The following SGCZ variants were observed in gnomAD, a reference collection of about 807,000 sequenced individuals.
SGCZ encodes zeta-sarcoglycan.
A neutral mutation model predicts 41.3 loss-of-function variants in SGCZ; 40 were observed. That is an observed-to-expected ratio of 0.97 (90% CI 0.75 to 1.26). The LOEUF is 1.26. SGCZ is among the 50% of genes most tolerant of loss of function. The pLI, the probability that SGCZ is intolerant of heterozygous loss-of-function variation, is 0.00. For missense variants in SGCZ, 552 were observed against 369.8 expected, an observed-to-expected ratio of 1.49 and a Z score of -4.04; for synonymous variants, 206 against 137.5, an observed-to-expected ratio of 1.50 and a Z score of -3.49.
intron 1 of SGCZ, among the ~76,000 whole-genome samples, chr8:14,925,058 G>A (rs1018100536): frequency 5.9e-5 from 9 of 151,806 alleles, no homozygotes; most frequent in Non-Finnish European, 1.2e-4. Context: ...GGGTTTCACC[G>A]TGTTGGCCAG....
intron 1 of SGCZ, among the ~76,000 whole-genome samples, chr8:14,631,413 C>T (rs1806649164): frequency 6.6e-6 from 1 of 152,014 alleles, no homozygotes; most frequent in Admixed American, 6.6e-5. Flanking sequence ...TTGAGTGGTG[C>T]CATGTCGTAG....
intron 1 of SGCZ, among the ~76,000 whole-genome samples, chr8:14,728,365 C>A (rs547249442): frequency 1.1e-3 from 144 of 132,386 alleles, no homozygotes; most frequent in African/African-American, 3.8e-3. Flanking sequence ...AAAGTAGAAC[C>A]AAAAGAGTGG....
chr8:15,144,676 G>A (rs925139209), intron 1 of SGCZ, among the ~76,000 whole-genome samples: 1 of 152,084 alleles, frequency 6.6e-6, no homozygotes. Flanking sequence ...TGCTATTCTC[G>A]AACTCCCGAC....
At chr8:15,073,434 T>C (rs1039916774) in intron 1 of SGCZ, among the ~76,000 whole-genome samples, 1 of 152,020 alleles carries the variant, frequency 6.6e-6, no homozygotes, top group Non-Finnish European at 1.5e-5. Context: ...AATTAATACA[T>C]AAGATTAATG....
chr8:14,900,442 C>T (rs1452025980), intron 1 of SGCZ, among the ~76,000 whole-genome samples: 1 of 152,132 alleles, frequency 6.6e-6, no homozygotes, highest in East Asian at 1.9e-4. Context: ...TAGCGGTATT[C>T]TGTAACCTGT....
chr8:14,149,037 A>G (rs761110847), intron 5 of SGCZ, among the ~76,000 whole-genome samples: 15 of 152,132 alleles, frequency 9.9e-5, no homozygotes, highest in Admixed American at 3.9e-4. Flanking sequence ...AACATACCTC[A>G]ACATAACAAA....
At position 15,237,635 on chromosome 8, in the gene SGCZ, A is replaced by C; in HGVS notation, c.-12T>G. ...GTTGATCTGTCCATGGAGCGCAACT[A>C]AACGAAGTGGAGAGGAACCGGGCGA... On this transcript the variant is annotated 5_prime_UTR_variant, in exon 1 of 8. Coordinates refer to ENST00000382080, the MANE Select transcript of SGCZ (RefSeq NM_139167.4). 6.3e-7 allele frequency: 1 copy of C among 1,581,150 alleles called. No homozygotes were observed. The highest frequency in any genetic ancestry group is 8.6e-7 in the Non-Finnish European group (1 of 1,161,404).
chr8:14,560,671 T>C (rs1381234286), intron 1 of SGCZ, among the ~76,000 whole-genome samples: 1 of 152,136 alleles, frequency 6.6e-6, no homozygotes, highest in South Asian at 2.1e-4. Context: ...GAAATTACTG[T>C]GCATTAGAAA....
At chr8:14,100,556 T>C (rs1801984646) in intron 7 of SGCZ, among the ~76,000 whole-genome samples, 1 of 81,632 alleles carries the variant, frequency 1.2e-5, no homozygotes, top group Non-Finnish European at 2.8e-5. Context: ...ATTAGATTAA[T>C]ATATTATATA....
rs1180670802 is a variant in SGCZ, at chr8:14,090,414, T to C, written c.*29A>G. ...AAGCAGACGGACAGGAACAAAAGGC[T>C]ATTCTGGTGTGAGGAGAAATCAGTC... On this transcript the variant is annotated 3_prime_UTR_variant, in exon 8 of 8. Transcript: ENST00000382080. 2 of 1,599,380 alleles carry C rather than the reference T, an allele frequency of 1.3e-6. No homozygotes were observed. Among genetic ancestry groups the C allele is most frequent in the South Asian group, 1.1e-5 (1 of 89,214 alleles).
intron 2 of SGCZ, among the ~76,000 whole-genome samples, chr8:14,374,378 T>G (rs1804029442): frequency 6.6e-6 from 1 of 152,150 alleles, no homozygotes; most frequent in African/African-American, 2.4e-5. Flanking sequence ...GGTACATAGG[T>G]AGATAGTTTT....
chr8:14,181,344 C>T (rs563079622), intron 4 of SGCZ, among the ~76,000 whole-genome samples: 53 of 152,214 alleles, frequency 3.5e-4, no homozygotes, highest in Non-Finnish European at 6.2e-4. Context: ...TAATGGTGTG[C>T]CTTAAAATAC....
At chr8:14,131,395 G>C (rs1338302085) in intron 5 of SGCZ, among the ~76,000 whole-genome samples, 1 of 152,144 alleles carries the variant, frequency 6.6e-6, no homozygotes, top group African/African-American at 2.4e-5. Flanking sequence ...TACAGTTCTT[G>C]GTTGACAAGT....
At chr8:15,018,665 G>C (rs74960981) in intron 1 of SGCZ, among the ~76,000 whole-genome samples, 1,708 of 152,268 alleles carry the variant, frequency 0.011, 28 homozygotes, top group African/African-American at 0.039. Context: ...TGAAGGCAAA[G>C]GTGAAGATTT....
chr8:14,809,782 G>C (rs564062239), intron 1 of SGCZ, among the ~76,000 whole-genome samples: 40 of 152,078 alleles, frequency 2.6e-4, no homozygotes, highest in Non-Finnish European at 5.1e-4. Context: ...CTATGATATT[G>C]ATAATACAAC....
intron 4 of SGCZ, among the ~76,000 whole-genome samples, chr8:14,169,994 T>C (rs1482834434): frequency 6.6e-6 from 1 of 152,060 alleles, no homozygotes; most frequent in African/African-American, 2.4e-5. Flanking sequence ...CTTGAATCAG[T>C]AAGTTAAACA....
intron 1 of SGCZ, among the ~76,000 whole-genome samples, chr8:14,950,157 C>G (rs1008967559): frequency 6.6e-6 from 1 of 151,942 alleles, no homozygotes; most frequent in African/African-American, 2.4e-5. Context: ...AATATGAATT[C>G]CATCTTCTGG....
At chr8:14,348,614 G>GA (rs1289219399) in intron 2 of SGCZ, among the ~76,000 whole-genome samples, 5 of 152,146 alleles carry the variant, frequency 3.3e-5, no homozygotes, top group Admixed American at 2.6e-4. Flanking sequence ...TATATTCGCT[G>GA]AAAAAAATGA....
At chr8:14,855,632 A>G (rs1267283891) in intron 1 of SGCZ, among the ~76,000 whole-genome samples, 1 of 152,188 alleles carries the variant, frequency 6.6e-6, no homozygotes, top group African/African-American at 2.4e-5. Flanking sequence ...AAAGTTATCA[A>G]AAATACTTAA....
Sources: gnomAD v4.1 joint callset for allele counts (sites outside exome capture counted in the v4.1 genomes callset) on GRCh38, gnomAD v4.1.1 for gene constraint, MANE v1.5 for transcripts, NCBI Gene and HGNC (gene_info 2026-07-23, HGNC 2026-07-21) for gene names.